The following GSTCD variants were observed in gnomAD, a reference collection of about 807,000 sequenced individuals.
GSTCD encodes the protein glutathione S-transferase C-terminal domain-containing protein.
In GSTCD, 44 loss-of-function variants were observed where a neutral mutation model predicts 68.3. The ratio of observed to expected loss-of-function variants is 0.64; its 90% CI spans 0.51 to 0.83. The LOEUF is 0.83. GSTCD is among the 40% of genes least tolerant of loss of function. GSTCD has a pLI of 0.00. For synonymous variants in GSTCD, 273 were observed against 255.2 expected (o/e 1.07, Z -0.67); for missense variants, 739 against 735.9 (o/e 1.00, Z -0.05).
At chr4:105,710,984 A>G (rs1334810729) in intron 1 of GSTCD, 1 of 152,166 alleles carries the variant, frequency 6.6e-6, no homozygotes, top group Non-Finnish European at 1.5e-5. Context: ...TACGTATTTA[A>G]TGAGCTTGAA....
chr4:105,712,939 A>G (rs1415174494), intron 1 of GSTCD, among the ~76,000 whole-genome samples: 2 of 152,178 alleles, frequency 1.3e-5, no homozygotes, highest in Non-Finnish European at 2.9e-5. Context: ...ATATACATGT[A>G]AGAGTCAGAT....
chr4:105,776,901 C>T (rs1394003443), intron 5 of GSTCD, among the ~76,000 whole-genome samples: 2 of 152,132 alleles, frequency 1.3e-5, no homozygotes, highest in Admixed American at 1.3e-4. Context: ...GGCCATCCAT[C>T]TCTACTATGC....
Position 105,756,578 on chromosome 4 carries a change from GTGTA to G in GSTCD, c.1240+27081_1240+27084del, listed in dbSNP as rs1345850229. 5.9e-3 allele frequency among the ~76,000 whole-genome samples: 529 copies of G among 89,700 alleles called. 4 individuals carry two copies. Among genetic ancestry groups the G allele is most frequent in the African/African-American group, 6.5e-3 (189 of 28,986 alleles). The allele number at this position is 89,700 out of a possible 152,430, so 58.8% of individuals were successfully genotyped here. The stretch of plus-strand genomic sequence containing the variant: ...TATGTATATATATGTGTGTGTGTGT[GTGTA>G]TATATATATATATATATATAATATG... On this transcript the variant is annotated intron_variant, in intron 5 of 11. Transcript: ENST00000515279.
At chr4:105,743,779 C>G (rs1733715449) in intron 5 of GSTCD, among the ~76,000 whole-genome samples, 1 of 151,082 alleles carries the variant, frequency 6.6e-6, no homozygotes. Context: ...CTGCCTCAGC[C>G]TCTCGAGTAG....
chr4:105,731,260 T>C (rs1733229721), intron 5 of GSTCD, among the ~76,000 whole-genome samples: 1 of 151,916 alleles, frequency 6.6e-6, no homozygotes, highest in Admixed American at 6.6e-5. Context: ...TTTTCCAATT[T>C]TGTGAAGAAA....
At chr4:105,765,364 T>C (rs1734563844) in intron 5 of GSTCD, among the ~76,000 whole-genome samples, 3 of 152,224 alleles carry the variant, frequency 2.0e-5, no homozygotes, top group African/African-American at 2.4e-5. Context: ...AACATATTTT[T>C]AGCACAGAGT....
intron 5 of GSTCD, among the ~76,000 whole-genome samples, chr4:105,794,310 C>A (rs532508575): frequency 1.3e-5 from 2 of 151,962 alleles, no homozygotes; most frequent in Admixed American, 1.3e-4. Flanking sequence ...ATGAACATCC[C>A]CGTACGATAC....
chr4:105,836,868 T>C (rs918954628), intron 9 of GSTCD, among the ~76,000 whole-genome samples: 3 of 152,208 alleles, frequency 2.0e-5, no homozygotes, highest in African/African-American at 7.2e-5. Flanking sequence ...AAAAATACAG[T>C]TGGGAATTTA....
intron 5 of GSTCD, among the ~76,000 whole-genome samples, chr4:105,806,203 T>C (rs1722487942): frequency 1.3e-5 from 2 of 152,024 alleles, no homozygotes; most frequent in Admixed American, 1.3e-4. Context: ...TTATTGAAAA[T>C]CCCTCAAAAT....
intron 5 of GSTCD, among the ~76,000 whole-genome samples, chr4:105,793,419 T>A (rs2193858): frequency 0.69 from 103,980 of 150,672 alleles, 40,124 homozygotes; most frequent in East Asian, 0.89. Flanking sequence ...TTTTTTTTTT[T>A]AAAAAAAATC....
intron 4 of GSTCD, among the ~76,000 whole-genome samples, chr4:105,728,976 G>C (rs541804688): frequency 5.3e-5 from 8 of 152,106 alleles, no homozygotes; most frequent in Non-Finnish European, 7.4e-5. Context: ...GTGTTAAAGT[G>C]GTAGCTTTTA....
chr4:105,728,178 A>G (rs1260199001), intron 4 of GSTCD, among the ~76,000 whole-genome samples: 1 of 152,182 alleles, frequency 6.6e-6, no homozygotes, highest in Non-Finnish European at 1.5e-5. Flanking sequence ...ATATGCAACT[A>G]CTTTTGGAAA....
chr4:105,743,007 TGCCGCGATCTCAGCTCACTGCAAGC>T (rs556490367), intron 5 of GSTCD, among the ~76,000 whole-genome samples: 2,101 of 151,668 alleles, frequency 0.014, 32 homozygotes, highest in Middle Eastern at 0.037. Flanking sequence ...TAGAGTGCAG[TGCCGCGATCTCAGCTCACTGCAAGC>T]GCCGCCTCCC....
In GSTCD at chr4:105,828,742, T is replaced by A. The variant is rs1723770591; in HGVS notation, c.1530+2942T>A. Among the ~76,000 whole-genome samples, 3 of 152,100 alleles carry A rather than the reference T, an allele frequency of 2.0e-5. No homozygotes were observed. The South Asian group carries it at 6.2e-4, about 32-fold the overall frequency. ...GCTATCAGGACACAAACCACTTTGC[T>A]CCCACAGAATCCCAGAAAAGTTTGG... On this transcript the variant is annotated intron_variant, in intron 8 of 11. Coordinates refer to ENST00000515279, the MANE Select transcript of GSTCD (RefSeq NM_001370181.1).
chr4:105,766,595 C>T lies in GSTCD; in HGVS notation c.1240+37096C>T, dbSNP rs143671271. ...AATTCTATTTTTGTCATAATACCCACGTAAAAATTCACCCTTGTAAATTAC... is the reference window on the plus strand; with the variant it reads ...AATTCTATTTTTGTCATAATACCCATGTAAAAATTCACCCTTGTAAATTAC... On this transcript the variant is annotated intron_variant, in intron 5 of 11. Transcript: ENST00000515279. 1.2e-3 allele frequency among the ~76,000 whole-genome samples: 189 copies of T among 152,148 alleles called. 1 individual carries two copies. Among genetic ancestry groups the T allele is most frequent in the East Asian group, 0.011 (56 of 5,196 alleles).
chr4:105,726,236 A>T (rs1199695832), intron 3 of GSTCD, among the ~76,000 whole-genome samples: 2 of 152,200 alleles, frequency 1.3e-5, no homozygotes, highest in African/African-American at 4.8e-5. Flanking sequence ...TATATGGATT[A>T]ACTTCAAAAG....
At chr4:105,767,058 G>A (rs1432667382) in intron 5 of GSTCD, among the ~76,000 whole-genome samples, 3 of 152,014 alleles carry the variant, frequency 2.0e-5, no homozygotes, top group African/African-American at 7.3e-5. Context: ...AACAGAATAT[G>A]TTGAGAGTGA....
At chr4:105,730,632 C>G (rs1009929579) in intron 5 of GSTCD, among the ~76,000 whole-genome samples, 44 of 152,170 alleles carry the variant, frequency 2.9e-4, no homozygotes, top group Admixed American at 1.8e-3. Flanking sequence ...ATTGTAGATT[C>G]TGGATATTAG....
chr4:105,760,180 A>AC (rs201992769), intron 5 of GSTCD, among the ~76,000 whole-genome samples: 14 of 145,870 alleles, frequency 9.6e-5, no homozygotes, highest in Non-Finnish European at 2.1e-4. Flanking sequence ...AAAAAAAAAA[A>AC]AAAAAAGAGA....
Sources: gnomAD v4.1 joint callset for allele counts (sites outside exome capture counted in the v4.1 genomes callset) on GRCh38, gnomAD v4.1.1 for gene constraint, MANE v1.5 for transcripts, NCBI Gene and HGNC (gene_info 2026-07-23, HGNC 2026-07-21) for gene names.